Variants in DAB1 observed in about 807,000 individuals in gnomAD.
DAB1 encodes the protein disabled homolog 1.
In DAB1, 15 loss-of-function variants were observed where a neutral mutation model predicts 64.6. The observed-to-expected ratio is 0.23, with a 90% CI of 0.16 to 0.36. The LOEUF (loss-of-function observed/expected upper bound fraction) is 0.36. Ranked by LOEUF, DAB1 falls within the 10% of genes least tolerant of loss-of-function variation. The probability of loss-of-function intolerance (pLI) is 1.00; values close to 1 mark genes in which losing one functional copy is unlikely to be tolerated. For synonymous variants in DAB1, 235 were observed against 251.9 expected (o/e 0.93, Z 0.64); for missense variants, 596 against 706.7 (o/e 0.84, Z 1.78).
At chr1:57,708,783 C>T in intron 6 of DAB1, among the ~76,000 whole-genome samples, 1 of 152,130 alleles carries the variant, frequency 6.6e-6, no homozygotes, top group Middle Eastern at 3.2e-3. Context: ...TCTCTCCATG[C>T]TCTGCTGCTT....
chr1:57,449,089 G>A (rs1419989556), intron 7 of DAB1, among the ~76,000 whole-genome samples: 1 of 152,062 alleles, frequency 6.6e-6, no homozygotes, highest in Non-Finnish European at 1.5e-5. Context: ...CCGAGTATCA[G>A]GAGAAGAGGC....
At chr1:57,589,650 A>G (rs943620568) in intron 7 of DAB1, among the ~76,000 whole-genome samples, 7 of 152,182 alleles carry the variant, frequency 4.6e-5, no homozygotes, top group Admixed American at 4.6e-4. Flanking sequence ...CCAGCTACTC[A>G]GGAGGCTGAG....
At chr1:58,039,975 A>G (rs564039158) in intron 5 of DAB1, among the ~76,000 whole-genome samples, 56 of 152,150 alleles carry the variant, frequency 3.7e-4, no homozygotes, top group Non-Finnish European at 6.2e-4. Context: ...GCAAAAAAAT[A>G]TATAAAATTT....
At position 57,485,025 on chromosome 1, in the gene DAB1, C is replaced by T. The variant is rs188697972; in HGVS notation, n.625+164567G>A. 2.6e-5 allele frequency among the ~76,000 whole-genome samples: 4 copies of T among 152,292 alleles called. No individual in the cohort carries two copies. The East Asian group carries it at 7.7e-4, about 29-fold the overall frequency. ...CTCACAAATTGTGTCAAGTTGAACA[C>T]ATCAAAAGCTGTAGGTAACTCAATT... On this transcript the variant is annotated intron_variant and non_coding_transcript_variant, in intron 7 of 20. Coordinates refer to the DAB1 transcript ENST00000485760.
At chr1:58,063,278 GA>G (rs1253796037) in intron 5 of DAB1, among the ~76,000 whole-genome samples, 1 of 152,160 alleles carries the variant, frequency 6.6e-6, no homozygotes, top group Non-Finnish European at 1.5e-5. Context: ...TACAATAACT[GA>G]AGAGGGGTGT....
chr1:57,139,789 A>G (rs1027877781), intron 3 of DAB1, among the ~76,000 whole-genome samples: 1 of 152,138 alleles, frequency 6.6e-6, no homozygotes, highest in African/African-American at 2.4e-5. Flanking sequence ...GTAGCTACCA[A>G]AGAATTCCCT....
intron 7 of DAB1, chr1:57,605,745 C>G: frequency 3.0e-6 from 1 of 333,298 alleles, no homozygotes; most frequent in South Asian, 3.5e-5. Context: ...AGTTTAATCC[C>G]TAAACTGAAA....
chr1:57,726,729 C>T (rs537281761), intron 6 of DAB1, among the ~76,000 whole-genome samples: 15 of 152,152 alleles, frequency 9.9e-5, no homozygotes, highest in African/African-American at 3.1e-4. Context: ...AGAATTAAGC[C>T]GCAAAGAAGT....
At chr1:57,550,745 A>G (rs1398013080) in intron 7 of DAB1, among the ~76,000 whole-genome samples, 1 of 152,176 alleles carries the variant, frequency 6.6e-6, no homozygotes, top group Non-Finnish European at 1.5e-5. Context: ...AGTGCTTAAC[A>G]CAGACTGTAC....
upstream of DAB1, among the ~76,000 whole-genome samples, chr1:57,428,918 CTTTT>C (rs61125096): frequency 1.5e-5 from 2 of 135,496 alleles, no homozygotes; most frequent in Non-Finnish European, 3.2e-5. Flanking sequence ...TTGTTGTTTG[CTTTT>C]TTTTTTTTGA....
intron 5 of DAB1, among the ~76,000 whole-genome samples, chr1:58,042,558 C>T (rs1042777597): frequency 9.2e-5 from 14 of 152,110 alleles, no homozygotes; most frequent in African/African-American, 2.7e-4. Context: ...ATATGCATGG[C>T]GCATTGAAAA....
At chr1:57,763,393 C>A (rs1275997408) in intron 6 of DAB1, among the ~76,000 whole-genome samples, 1 of 152,016 alleles carries the variant, frequency 6.6e-6, no homozygotes, top group East Asian at 1.9e-4. Flanking sequence ...AAATATCTGT[C>A]TAGGCTGGGC....
intron 2 of DAB1, among the ~76,000 whole-genome samples, chr1:57,274,947 C>A (rs1459748177): frequency 6.6e-6 from 1 of 150,492 alleles, no homozygotes; most frequent in African/African-American, 2.4e-5. Flanking sequence ...TTGTCTTATG[C>A]AAGTTTCCTC....
chr1:57,422,061 T>C (rs1684954457), intron 1 of DAB1, among the ~76,000 whole-genome samples: 1 of 152,232 alleles, frequency 6.6e-6, no homozygotes, highest in East Asian at 1.9e-4. Context: ...TGGTTTGTAA[T>C]TTTATGGATT....
intron 5 of DAB1, among the ~76,000 whole-genome samples, chr1:58,015,548 G>A (rs1406680672): frequency 1.3e-5 from 2 of 152,004 alleles, no homozygotes; most frequent in Non-Finnish European, 2.9e-5. Flanking sequence ...TCCTGAGCAG[G>A]GGCCCAGCAT....
chr1:58,031,425 A>G (rs532280646), intron 5 of DAB1, among the ~76,000 whole-genome samples: 17 of 152,256 alleles, frequency 1.1e-4, no homozygotes, highest in Non-Finnish European at 1.8e-4. Flanking sequence ...AATAGGTAAA[A>G]CGGATGGGAA....
At chr1:57,257,310 C>G (rs1669840312) in intron 2 of DAB1, among the ~76,000 whole-genome samples, 1 of 152,168 alleles carries the variant, frequency 6.6e-6, no homozygotes, top group African/African-American at 2.4e-5. Context: ...ATGCCAACTG[C>G]CACATCCAGT....
At chr1:58,118,521 C>CACACAT (rs1491324385) in intron 5 of DAB1, among the ~76,000 whole-genome samples, 10 of 98,946 alleles carry the variant, frequency 1.0e-4, no homozygotes, top group South Asian at 3.3e-4. Context: ...CACACACACA[C>CACACAT]ATATATATAT....
Position 58,403,680 on chromosome 1 carries a change from T to C in DAB1, n.258-60277A>G, listed in dbSNP as rs1385034976. ...GGGCAGGTATCCCACTTTCACGGGG[T>C]TGTGAGGATGAACTAGATCTTGGAT... On this transcript the variant is annotated intron_variant and non_coding_transcript_variant, in intron 3 of 20. Transcript: ENST00000485760. Among the ~76,000 whole-genome samples, 5 of 152,086 alleles carry C rather than the reference T, an allele frequency of 3.3e-5. No individual in the cohort carries two copies. The South Asian group carries it at 1.0e-3, about 32-fold the overall frequency.
Sources: allele counts gnomAD v4.1 joint callset (sites outside exome capture counted in the v4.1 genomes callset), GRCh38; gene constraint gnomAD v4.1.1; transcripts MANE v1.5; gene names NCBI Gene and HGNC (gene_info 2026-07-23, HGNC 2026-07-21).